ANXA10: variants seen among roughly 807,000 people sequenced by gnomAD.
ANXA10 encodes the protein annexin 14.
A neutral mutation model predicts 53.5 loss-of-function variants in ANXA10; 49 were observed. The ratio of observed to expected loss-of-function variants is 0.92; its 90% confidence interval spans 0.73 to 1.16. ANXA10 has a LOEUF of 1.16. Ranked by LOEUF, ANXA10 falls within the 50% of genes most tolerant of loss-of-function variation. ANXA10 has a pLI of 0.00. For missense variants in ANXA10, 393 were observed against 394.4 expected, an observed-to-expected ratio of 1.00 and a Z score of 0.03; for synonymous variants, 131 against 128.9, an observed-to-expected ratio of 1.02 and a Z score of -0.11.
intron 1 of ANXA10, among the ~76,000 whole-genome samples, chr4:168,124,785 A>C (rs1401790955): frequency 2.0e-5 from 3 of 152,174 alleles, no homozygotes; most frequent in Non-Finnish European, 4.4e-5. Flanking sequence ...AAATATTGAG[A>C]AGCATTGTTT....
chr4:168,182,596 G>C (rs1732275480), intron 10 of ANXA10, among the ~76,000 whole-genome samples: 1 of 149,936 alleles, frequency 6.7e-6, no homozygotes, highest in South Asian at 2.1e-4. Flanking sequence ...GCCTCCCAAA[G>C]TGCCGGGATT....
chr4:168,181,203 AAC>A (rs1392541314), intron 9 of ANXA10, among the ~76,000 whole-genome samples: 2 of 151,998 alleles, frequency 1.3e-5, no homozygotes, highest in Non-Finnish European at 2.9e-5. Context: ...CATCCTGGCT[AAC>A]ACAGTGAAAC....
chr4:168,115,864 G>C (rs548377628), intron 1 of ANXA10, among the ~76,000 whole-genome samples: 2 of 152,122 alleles, frequency 1.3e-5, no homozygotes, highest in Non-Finnish European at 2.9e-5. Context: ...CCAAGGAAAC[G>C]CAGGTGAAGA....
chr4:168,148,596 C>T (rs764924862), intron 3 of ANXA10, among the ~76,000 whole-genome samples: 6 of 152,178 alleles, frequency 3.9e-5, no homozygotes, highest in Admixed American at 2.6e-4. Context: ...ATTTTCTAGG[C>T]ACATATTATT....
chr4:168,129,536 G>T (rs549600366), intron 2 of ANXA10, among the ~76,000 whole-genome samples: 1 of 152,252 alleles, frequency 6.6e-6, no homozygotes, highest in African/African-American at 2.4e-5. Flanking sequence ...TACGTCAGGA[G>T]GTTTTGGGCT....
At chr4:168,169,101 C>T (rs1236755638) in intron 6 of ANXA10, among the ~76,000 whole-genome samples, 3 of 152,074 alleles carry the variant, frequency 2.0e-5, no homozygotes, top group African/African-American at 4.8e-5. Context: ...TAGGTATAAG[C>T]TCATTTTAAT....
intron 4 of ANXA10, among the ~76,000 whole-genome samples, chr4:168,163,126 A>AT (rs148068929): frequency 0.01 from 1,550 of 148,018 alleles, 9 homozygotes; most frequent in African/African-American, 0.013. Context: ...TTACAGAAAC[A>AT]TTTTTTTTTT....
chr4:168,130,824 C>T (rs950421130), intron 2 of ANXA10, among the ~76,000 whole-genome samples: 6 of 151,398 alleles, frequency 4.0e-5, no homozygotes, highest in African/African-American at 1.5e-4. Flanking sequence ...TTCTGATATT[C>T]GTAAGTTTTA....
chr4:168,181,961 T>A (rs1450988910), intron 10 of ANXA10, among the ~76,000 whole-genome samples: 1 of 152,212 alleles, frequency 6.6e-6, no homozygotes, highest in Admixed American at 6.5e-5. Context: ...GGAACCATAT[T>A]TGGGGTGTAT....
intron 6 of ANXA10, among the ~76,000 whole-genome samples, chr4:168,169,393 C>A (rs375092202): frequency 1.8e-4 from 27 of 152,266 alleles, no homozygotes; most frequent in African/African-American, 6.3e-4. Context: ...CATTATAAAT[C>A]CTAATATCAA....
intron 3 of ANXA10, among the ~76,000 whole-genome samples, chr4:168,161,714 G>GTGTTT (rs1342772379): frequency 3.3e-5 from 5 of 151,936 alleles, no homozygotes; most frequent in African/African-American, 1.2e-4. Flanking sequence ...GTTCTTCCAT[G>GTGTTT]TGTTTGTGTC....
chr4:168,139,558 C>T lies in ANXA10; in HGVS notation c.173C>T (p.Ala58Val). Residue 58 changes from alanine to valine, a missense_variant, in exon 3 of 12, where the codon GCA becomes GTA. Transcript: ENST00000359299. ...GCACAAAGGATGATGATTGCAGAGG[C>T]ATACCAGAGCATGTATGGCCGGGTA... ...CNAQRMMIAE[A>V]YQSMYGRDLI... The T allele has an allele frequency of 6.2e-7, 1 of 1,611,222 alleles. No individual in the cohort carries two copies. The highest frequency in any genetic ancestry group is 8.5e-7 in the Non-Finnish European group (1 of 1,177,834).
chr4:168,155,419 TATTATATATA>T lies in ANXA10; in HGVS notation c.196-7093_196-7084del, dbSNP rs1215711118. On this transcript the variant is annotated intron_variant, in intron 3 of 11. Coordinates refer to ENST00000359299, the MANE Select transcript of ANXA10 (RefSeq NM_007193.5). ...ATATTATATATTATATTATACATTATATTATATATAATTATATATAATTATGAATTATATA... is the reference window on the plus strand; with the variant it reads ...ATATTATATATTATATTATACATTATATTATATATAATTATGAATTATATA... 5.1e-3 allele frequency among the ~76,000 whole-genome samples: 495 copies of T among 97,206 alleles called. 12 individuals carry two copies. The highest frequency in any genetic ancestry group is 8.3e-3 in the Non-Finnish European group (441 of 52,908). 63.8% of individuals were successfully genotyped at this position (97,206 alleles called of 152,430 possible).
intron 6 of ANXA10, among the ~76,000 whole-genome samples, chr4:168,177,043 T>C (rs1481645873): frequency 6.6e-6 from 1 of 152,096 alleles, no homozygotes; most frequent in Non-Finnish European, 1.5e-5. Context: ...GTACTTTCAG[T>C]GTTCTCTTAA....
intron 1 of ANXA10, among the ~76,000 whole-genome samples, chr4:168,113,486 T>G (rs1730844145): frequency 6.6e-6 from 1 of 152,230 alleles, no homozygotes; most frequent in Non-Finnish European, 1.5e-5. Flanking sequence ...CCAGTCTGCT[T>G]CCACAATGGT....
intron 1 of ANXA10, among the ~76,000 whole-genome samples, chr4:168,113,871 G>C (rs544422977): frequency 2.0e-5 from 3 of 152,066 alleles, no homozygotes; most frequent in African/African-American, 7.2e-5. Flanking sequence ...CTTTCATTTG[G>C]TTGGAATTAC....
chr4:168,107,278 A>C (rs374704543), intron 1 of ANXA10, among the ~76,000 whole-genome samples: 1 of 152,202 alleles, frequency 6.6e-6, no homozygotes, highest in South Asian at 2.1e-4. Context: ...AAAGGAAACA[A>C]AGAGTTTCAG....
intron 1 of ANXA10, among the ~76,000 whole-genome samples, chr4:168,117,429 C>T (rs1198580827): frequency 1.3e-5 from 2 of 152,152 alleles, no homozygotes; most frequent in African/African-American, 2.4e-5. Flanking sequence ...GGCAGGAACA[C>T]ATCACATCAC....
Position 168,177,949 on chromosome 4 carries a change from C to T in ANXA10, c.594C>T (p.Ile198=). Residue 198 remains isoleucine, a synonymous_variant, in exon 8 of 12, where the codon ATC becomes ATT. Transcript: ENST00000359299. ...AGCACAAAACCATGCTGCAAATGAT[C>T]CTGTGCAACAAGAGCTACCAGCAGC... is the stretch of plus-strand genomic sequence containing the variant. The part of the protein sequence containing the change: ...TGEHKTMLQM[I]LCNKSYQQLR... 1 of 1,613,860 alleles carries T rather than the reference C, an allele frequency of 6.2e-7. No individual in the cohort carries two copies. The highest frequency in any genetic ancestry group is 1.1e-5 in the South Asian group (1 of 91,056).
Sources: allele counts gnomAD v4.1 joint callset (sites outside exome capture counted in the v4.1 genomes callset), GRCh38; gene constraint gnomAD v4.1.1; transcripts MANE v1.5; gene names NCBI Gene and HGNC (gene_info 2026-07-23, HGNC 2026-07-21).